FANCA: variants seen among roughly 807,000 people sequenced by gnomAD.
FANCA encodes the protein Fanconi anemia group A protein.
Under a neutral mutation model 194.3 loss-of-function variants are expected in FANCA, and 236 were observed. That is an observed-to-expected ratio of 1.21 (90% CI 1.09 to 1.35). FANCA has a LOEUF of 1.35. Ranked by LOEUF, FANCA falls within the 40% of genes most tolerant of loss-of-function variation. The pLI is 0.00. For synonymous variants in FANCA, 1,014 were observed against 715.8 expected, an observed-to-expected ratio of 1.42 and a Z score of -6.65; for missense variants, 2,628 against 1,813.9, an observed-to-expected ratio of 1.45 and a Z score of -8.15.
chr16:89,796,103 G>A (rs914931564), intron 10 of FANCA, 85 bp from the exon 11 acceptor site: 16 of 1,029,990 alleles, frequency 1.6e-5, no homozygotes, highest in Admixed American at 5.3e-5. Flanking sequence ...TGTGGCTCAG[G>A]CTCATCCCTT....
chr16:89,791,277 C>T, intron 14 of FANCA, 126 bp downstream of exon 14: 1 of 1,331,632 alleles, frequency 7.5e-7, no homozygotes, highest in Non-Finnish European at 1.0e-6. Context: ...GCCAAGGCCA[C>T]TCGGCAAAGC....
chr16:89,786,365 T>C (rs1395405858), intron 14 of FANCA, among the ~76,000 whole-genome samples: 1 of 152,176 alleles, frequency 6.6e-6, no homozygotes, highest in African/African-American at 2.4e-5. Context: ...GTGTTTTTAG[T>C]AGAGACAGGG....
chr16:89,743,004 G>A (rs1429458361), intron 36 of FANCA, 66 bp from the exon 37 acceptor site: 2 of 1,571,194 alleles, frequency 1.3e-6, no homozygotes, highest in African/African-American at 2.7e-5. Context: ...TAGAAACCAA[G>A]TCCTTATTCC....
At chr16:89,810,618 AG>A (rs2040839757) in intron 5 of FANCA, 88 bp downstream of exon 5, 1 of 879,852 alleles carries the variant, frequency 1.1e-6, no homozygotes, top group East Asian at 2.4e-5. Flanking sequence ...AGAATTCCCA[AG>A]AAAACCCAGG....
At chr16:89,757,025 C>A (rs994042700) in intron 30 of FANCA, among the ~76,000 whole-genome samples, 3 of 152,200 alleles carry the variant, frequency 2.0e-5, no homozygotes, top group African/African-American at 7.2e-5. Context: ...GTCACACAGG[C>A]TGGAATGTAG....
intron 1 of FANCA, 72 bp from the exon 2 acceptor site, chr16:89,816,058 T>C: frequency 8.4e-7 from 1 of 1,183,612 alleles, no homozygotes; most frequent in Non-Finnish European, 1.3e-6. Flanking sequence ...GACGCGCAGG[T>C]GGACGCCGCG....
At position 89,792,039 on chromosome 16, in the gene FANCA, C is replaced by A; in HGVS notation, c.1113G>T (p.Leu371Phe). The A allele has an allele frequency of 1.2e-6, 2 of 1,614,178 alleles. No individual in the cohort carries two copies. Among genetic ancestry groups the A allele is most frequent in the South Asian group, 1.1e-5 (1 of 91,082 alleles). ...CCAGAACTTCTTGCAAATGGCCAAC[C>A]AACTCCTCTGCACTCAGCATCACAA... ...RLFVMLSAEELVGHLQEVLET... is the reference protein window; with the variant it reads ...RLFVMLSAEEFVGHLQEVLET... The change falls in exon 13 of 43, where the codon TTG (leucine) becomes TTT (phenylalanine). Residue 371 changes from leucine to phenylalanine, a missense_variant. Physicochemically the swap from Leu to Phe is conservative, Grantham distance 22. Coordinates refer to ENST00000389301, the MANE Select transcript of FANCA (RefSeq NM_000135.4).
chr16:89,802,550 T>C (rs934334350), intron 8 of FANCA, among the ~76,000 whole-genome samples: 1 of 152,160 alleles, frequency 6.6e-6, no homozygotes, highest in Non-Finnish European at 1.5e-5. Flanking sequence ...CACAGGTGCC[T>C]GCCACCAGGC....
chr16:89,784,103 C>A (rs867482886), intron 15 of FANCA, among the ~76,000 whole-genome samples: 4 of 152,058 alleles, frequency 2.6e-5, no homozygotes, highest in African/African-American at 9.7e-5. Flanking sequence ...CAGTGGCTCA[C>A]ACCTGTAATC....
At position 89,805,286 on chromosome 16, in the gene FANCA, G is replaced by C. The variant is rs1316244239; in HGVS notation, c.703C>G (p.Leu235Val). ...CATCTTGTCATGAACGCACCAGAAA[G>C]CATGGCCCTGGCGACGTCAGCATGC... is the stretch of plus-strand genomic sequence containing the variant. ...CQHADVARAM[L>V]SDFVQMFVLR... The change falls in exon 7 of 43, where the codon CTT (leucine) becomes GTT (valine). Residue 235 changes from leucine (L) to valine (V), a missense_variant. By Grantham distance (32) the Leu-to-Val change is conservative. Coordinates refer to ENST00000389301, the MANE Select transcript of FANCA (RefSeq NM_000135.4). 6.2e-7 allele frequency: 1 copy of C among 1,613,052 alleles called. No individual in the cohort carries two copies. The highest frequency in any genetic ancestry group is 8.5e-7 in the Non-Finnish European group (1 of 1,179,192).
intron 26 of FANCA, among the ~76,000 whole-genome samples, chr16:89,769,478 C>G (rs916588787): frequency 6.6e-6 from 1 of 152,162 alleles, no homozygotes; most frequent in Non-Finnish European, 1.5e-5. Flanking sequence ...CCATGGGGTG[C>G]CGAAGAACCT....
chr16:89,796,540 G>A (rs557319004), intron 10 of FANCA, among the ~76,000 whole-genome samples: 48 of 152,310 alleles, frequency 3.2e-4, no homozygotes, highest in Non-Finnish European at 5.0e-4. Flanking sequence ...TGGGCCATCT[G>A]TGTGAGAGAA....
intron 7 of FANCA, among the ~76,000 whole-genome samples, chr16:89,803,746 C>T (rs569807657): frequency 6.6e-6 from 1 of 151,848 alleles, no homozygotes; most frequent in South Asian, 2.1e-4. Flanking sequence ...CTCAGCCTCA[C>T]CAGTAGCTGG....
chr16:89,791,454 C>A lies in FANCA; in HGVS notation c.1308G>T (p.Gln436His). The A allele has an allele frequency of 6.2e-7, 1 of 1,614,154 alleles. No homozygotes were observed. The highest frequency in any genetic ancestry group is 1.1e-5 in the South Asian group (1 of 91,072). The part of the protein sequence containing the change: ...SMVTAFLVVR[Q>H]AALEGPSAFL... ...ACGCAGAGGGGCCCTCCAGTGCTGCCTGGCGCACAACCAGGAACGCAGTGA... is the reference window on the plus strand; with the variant it reads ...ACGCAGAGGGGCCCTCCAGTGCTGCATGGCGCACAACCAGGAACGCAGTGA... Residue 436 changes from glutamine (Q) to histidine (H), a missense_variant, in exon 14 of 43, where the codon CAG (glutamine) becomes CAT (histidine). Physicochemically the swap from Gln to His is conservative, Grantham distance 24. Coordinates refer to ENST00000389301, the MANE Select transcript of FANCA (RefSeq NM_000135.4).
Position 89,764,895 on chromosome 16 carries a change from C to T in FANCA, c.2773G>A (p.Val925Ile). 7 of 1,614,024 alleles carry T rather than the reference C, an allele frequency of 4.3e-6. No homozygotes were observed. The highest frequency in any genetic ancestry group is 5.9e-6 in the Non-Finnish European group (7 of 1,179,918). The change falls in exon 28 of 43, where the codon GTT (valine) becomes ATT (isoleucine). Residue 925 changes from valine to isoleucine, a missense_variant. Physicochemically the swap from Val to Ile is conservative, Grantham distance 29 (BLOSUM62 3). Transcript: ENST00000389301. Reference sequence around the variant, plus strand: ...GAGAAGGAACGGTCACCTACGTGAACATCTTCCTCTTTCAACACCTCTCGG... The same window carrying T: ...GAGAAGGAACGGTCACCTACGTGAATATCTTCCTCTTTCAACACCTCTCGG... ...TFREVLKEED[V>I]HLTYQDWLHL...
intron 14 of FANCA, among the ~76,000 whole-genome samples, chr16:89,789,081 A>G (rs748665972): frequency 4.6e-5 from 7 of 151,976 alleles, no homozygotes; most frequent in Non-Finnish European, 7.4e-5. Flanking sequence ...ATTCTGGCAC[A>G]AATCTCTCAG....
intron 13 of FANCA, 173 bp downstream of exon 13, chr16:89,791,754 A>G: frequency 2.0e-6 from 2 of 990,278 alleles, no homozygotes; most frequent in South Asian, 2.9e-5. Flanking sequence ...AGCAGCAGTC[A>G]GTGCTTATGG....
intron 27 of FANCA, among the ~76,000 whole-genome samples, chr16:89,766,231 A>G (rs2039123563): frequency 6.6e-6 from 1 of 151,272 alleles, no homozygotes; most frequent in African/African-American, 2.4e-5. Flanking sequence ...TCTTGACCTC[A>G]TGATCTGCCC....
intron 10 of FANCA, 123 bp from the exon 11 acceptor site, chr16:89,796,141 C>A: frequency 1.3e-6 from 1 of 757,350 alleles, no homozygotes; most frequent in Non-Finnish European, 2.3e-6. Context: ...GCTTTCTTGG[C>A]CAGGCCACTA....
Sources: gnomAD v4.1 joint callset for allele counts (sites outside exome capture counted in the v4.1 genomes callset) on GRCh38, gnomAD v4.1.1 for gene constraint, MANE v1.5 for transcripts, NCBI Gene and HGNC (gene_info 2026-07-23, HGNC 2026-07-21) for gene names.